ASS1: variants seen among roughly 807,000 people sequenced by gnomAD.
ASS1 encodes argininosuccinate synthase 1.
In ASS1, 58 loss-of-function variants were observed where a neutral mutation model predicts 60.5. The ratio of observed to expected loss-of-function variants is 0.96; its 90% confidence interval spans 0.78 to 1.19. The LOEUF (loss-of-function observed/expected upper bound fraction) is 1.19. ASS1 is among the 50% of genes most tolerant of loss of function. The pLI, the probability that ASS1 is intolerant of heterozygous loss-of-function variation, is 0.00. For synonymous variants in ASS1, 200 were observed against 206.9 expected, an observed-to-expected ratio of 0.97 and a Z score of 0.29; for missense variants, 454 against 547.3, an observed-to-expected ratio of 0.83 and a Z score of 1.70.
chr9:130,473,869 G>A (rs1402707326), intron 8 of ASS1, among the ~76,000 whole-genome samples: 1 of 152,056 alleles, frequency 6.6e-6, no homozygotes, highest in Non-Finnish European at 1.5e-5. Context: ...TCAGTCGCCG[G>A]CCCGCCATAG....
chr9:130,483,416 G>A (rs1383618590), intron 11 of ASS1, among the ~76,000 whole-genome samples: 1 of 151,942 alleles, frequency 6.6e-6, no homozygotes, highest in Non-Finnish European at 1.5e-5. Context: ...CCTAGTCAGC[G>A]GCGCTCAGGG....
chr9:130,481,786 AGGCTC>A (rs1846182425), intron 11 of ASS1, among the ~76,000 whole-genome samples: 1 of 152,150 alleles, frequency 6.6e-6, no homozygotes, highest in African/African-American at 2.4e-5. Context: ...AAGGGGAGGC[AGGCTC>A]GCCTCTTTCT....
At chr9:130,475,663 C>T (rs963175867) in intron 8 of ASS1, among the ~76,000 whole-genome samples, 7 of 151,740 alleles carry the variant, frequency 4.6e-5, no homozygotes, top group Admixed American at 1.3e-4. Context: ...GGGGTAAGAG[C>T]GCTTGACCTT....
At chr9:130,448,420 GCGCA>G (rs766164638) in intron 1 of ASS1, among the ~76,000 whole-genome samples, 47 of 66,228 alleles carry the variant, frequency 7.1e-4, no homozygotes, top group African/African-American at 1.8e-3. Context: ...GTGTGTGCGC[GCGCA>G]CACACACACA....
At chr9:130,446,428 A>C (rs1210735470) in intron 1 of ASS1, among the ~76,000 whole-genome samples, 1 of 144,300 alleles carries the variant, frequency 6.9e-6, no homozygotes, top group Non-Finnish European at 1.5e-5. Context: ...AGGGCGGGGA[A>C]GTTTGGGGGT....
intron 6 of ASS1, among the ~76,000 whole-genome samples, chr9:130,468,656 T>G (rs1417991606): frequency 6.6e-6 from 1 of 152,208 alleles, no homozygotes; most frequent in African/African-American, 2.4e-5. Flanking sequence ...GGTCTTGAAC[T>G]CCTGAACTCA....
rs1421652875 is a variant in ASS1, at chr9:130,470,519, C to T, written c.496-315C>T. ...GGTGGCGGGGCTGGTTGGCTGGTGC[C>T]GGGAGACCTGGCTGGGCATGGCACC... On this transcript the variant is annotated intron_variant, in intron 6 of 14. Transcript: ENST00000352480. The surrounding 1 kb of genome is among the most constrained non-coding windows in gnomAD (Gnocchi z 4.3). Among the ~76,000 whole-genome samples, 6 of 152,164 alleles carry T rather than the reference C, an allele frequency of 3.9e-5. No individual in the cohort carries two copies. The highest frequency in any genetic ancestry group is 1.4e-4 in the African/African-American group (6 of 41,438).
rs142117423 is a variant in ASS1, at chr9:130,499,764, C to T, written c.1193+194C>T. On this transcript the variant is annotated intron_variant, in intron 14 of 14. Transcript: ENST00000352480. ...ATCCTCAGAAGCATGCTTTGATAGC[C>T]GACAGTAACAGAGGGTCCTAGGCAT... Among the ~76,000 whole-genome samples, 19 of 152,300 alleles carry T rather than the reference C, an allele frequency of 1.2e-4. No individual in the cohort carries two copies. The East Asian group carries it at 2.9e-3, about 23-fold the overall frequency.
At chr9:130,445,387 G>A (rs1490296298) in intron 1 of ASS1, among the ~76,000 whole-genome samples, 1 of 152,224 alleles carries the variant, frequency 6.6e-6, no homozygotes, top group Non-Finnish European at 1.5e-5. Flanking sequence ...GCGTGTGGGG[G>A]GGCTCCCGAT....
intron 5 of ASS1, among the ~76,000 whole-genome samples, chr9:130,465,056 A>ATAT (rs1479147331): frequency 2.2e-4 from 27 of 120,134 alleles, no homozygotes; most frequent in East Asian, 5.3e-4. Flanking sequence ...ATATATATAT[A>ATAT]TTTTTTTTTT....
At chr9:130,463,214 C>T (rs1034484745) in intron 4 of ASS1, among the ~76,000 whole-genome samples, 3 of 152,380 alleles carry the variant, frequency 2.0e-5, no homozygotes, top group East Asian at 1.9e-4. Flanking sequence ...ATTTCCACAG[C>T]GCTTAAGTCT....
At chr9:130,464,400 G>A (rs1455729619) in intron 5 of ASS1, among the ~76,000 whole-genome samples, 1 of 152,200 alleles carries the variant, frequency 6.6e-6, no homozygotes, top group Non-Finnish European at 1.5e-5. Flanking sequence ...TCCAGGTGCT[G>A]GGGCACGGGA....
intron 6 of ASS1, among the ~76,000 whole-genome samples, chr9:130,467,105 C>T (rs966437703): frequency 1.3e-5 from 2 of 152,056 alleles, no homozygotes; most frequent in Non-Finnish European, 2.9e-5. Flanking sequence ...AGACCAGAGC[C>T]CTGCTTGCCA....
intron 8 of ASS1, among the ~76,000 whole-genome samples, chr9:130,471,900 T>G (rs1425687098): frequency 3.3e-5 from 5 of 151,314 alleles, no homozygotes; most frequent in African/African-American, 4.9e-5. Context: ...GTTTTGGTTG[T>G]GGGGGGTGGG....
chr9:130,478,105 A>C lies in ASS1; in HGVS notation c.688+1144A>C, dbSNP rs1199859037. The stretch of plus-strand genomic sequence containing the variant: ...CATGGTATGTGGAATGGGGTGTCGG[A>C]GGCTAAGTGCTTTAATAATCTGCCT... On this transcript the variant is annotated intron_variant, in intron 9 of 14. Transcript: ENST00000352480. This position sits in a 1 kb window ranked among gnomAD's most constrained non-coding sequence, Gnocchi z 4.7. 6.6e-6 allele frequency among the ~76,000 whole-genome samples: 1 copy of C among 152,196 alleles called. No individual in the cohort carries two copies. The highest frequency in any genetic ancestry group is 1.5e-5 in the Non-Finnish European group (1 of 68,040).
intron 4 of ASS1, 33 bp downstream of exon 4, chr9:130,458,622 G>A (rs528198257): frequency 4.0e-5 from 64 of 1,602,350 alleles, no homozygotes; most frequent in Non-Finnish European, 5.1e-5. Context: ...GGCAGAGGGA[G>A]ATGGAGGCGG....
At chr9:130,468,838 A>G (rs371007993) in intron 6 of ASS1, among the ~76,000 whole-genome samples, 1 of 152,352 alleles carries the variant, frequency 6.6e-6, no homozygotes, top group Admixed American at 6.5e-5. Context: ...GGGAGCTAGA[A>G]ACAGGATGGT....
chr9:130,498,192 AC>A (rs1307830318), intron 13 of ASS1, among the ~76,000 whole-genome samples: 1 of 152,038 alleles, frequency 6.6e-6, no homozygotes, highest in Non-Finnish European at 1.5e-5. Flanking sequence ...TCTACAAAGA[AC>A]CAGTCAGAGG....
chr9:130,487,400 GT>G (rs34339017), intron 11 of ASS1, among the ~76,000 whole-genome samples: 54,909 of 147,466 alleles, frequency 0.37, 10,491 homozygotes, highest in East Asian at 0.61. Context: ...ATCCTTCATG[GT>G]TTTTTTTTTT....
Sources: gnomAD v4.1 joint callset for allele counts (sites outside exome capture counted in the v4.1 genomes callset) on GRCh38, gnomAD v4.1.1 for gene constraint, Gnocchi (gnomAD v3.1) non-coding constraint, MANE v1.5 for transcripts, NCBI Gene and HGNC (gene_info 2026-07-23, HGNC 2026-07-21) for gene names.